RPS6KC1: variants seen among roughly 807,000 people sequenced by gnomAD.
The protein encoded by RPS6KC1 is inactive ribosomal protein S6 kinase delta-1.
Under a neutral mutation model 103.8 loss-of-function variants are expected in RPS6KC1, and 54 were observed. The observed-to-expected ratio is 0.52, with a 90% CI of 0.42 to 0.65. The LOEUF (loss-of-function observed/expected upper bound fraction) is 0.65. Ranked by LOEUF, RPS6KC1 falls within the 30% of genes least tolerant of loss-of-function variation. The pLI, the probability that RPS6KC1 is intolerant of heterozygous loss-of-function variation, is 0.00. For synonymous variants in RPS6KC1, 439 were observed against 438.7 expected (o/e 1.00, Z -0.01); for missense variants, 1,151 against 1,253.8 (o/e 0.92, Z 1.24).
At chr1:213,170,620 T>C (rs2091396625) in intron 7 of RPS6KC1, among the ~76,000 whole-genome samples, 1 of 152,226 alleles carries the variant, frequency 6.6e-6, no homozygotes, top group Non-Finnish European at 1.5e-5. Context: ...ATTTGACATG[T>C]AGGATTTTTT....
chr1:213,232,317 C>T, intron 10 of RPS6KC1, 62 bp downstream of exon 10: 1 of 1,597,682 alleles, frequency 6.3e-7, no homozygotes, highest in Non-Finnish European at 8.6e-7. Flanking sequence ...CTTCCAGTTT[C>T]TCTCTGTCAT....
chr1:213,711,013 G>A, the RPS6KC1 span, among the ~76,000 whole-genome samples: 1 of 152,110 alleles, frequency 6.6e-6, no homozygotes, highest in African/African-American at 2.4e-5. Flanking sequence ...CTCTTCTCGA[G>A]GAGTATCTTT....
chr1:213,391,006 GT>G, the RPS6KC1 span, among the ~76,000 whole-genome samples: 2,985 of 151,962 alleles, frequency 0.02, 86 homozygotes, highest in African/African-American at 0.062. Context: ...TATGATTCTA[GT>G]TTTTTTTCCC....
chr1:213,615,972 A>G, the RPS6KC1 span, among the ~76,000 whole-genome samples: 1 of 152,198 alleles, frequency 6.6e-6, no homozygotes, highest in African/African-American at 2.4e-5. Flanking sequence ...CAGTTGACTA[A>G]CTTTAGTTCT....
At chr1:213,694,852 T>A in the RPS6KC1 span, among the ~76,000 whole-genome samples, 1 of 152,344 alleles carries the variant, frequency 6.6e-6, no homozygotes, top group Non-Finnish European at 1.5e-5. Flanking sequence ...GTTGAACATC[T>A]ACTGCATTTC....
chr1:213,857,433 G>A, the RPS6KC1 span, among the ~76,000 whole-genome samples: 3 of 152,186 alleles, frequency 2.0e-5, no homozygotes, highest in South Asian at 2.1e-4. Context: ...ACACCTTCCC[G>A]TTATTCTCAG....
the RPS6KC1 span, among the ~76,000 whole-genome samples, chr1:213,428,044 C>T: frequency 6.6e-6 from 1 of 152,186 alleles, no homozygotes; most frequent in Admixed American, 6.5e-5. Context: ...TGAGAAGTCA[C>T]GGTTTGCTAC....
the RPS6KC1 span, among the ~76,000 whole-genome samples, chr1:213,374,869 A>G: frequency 1.3e-5 from 2 of 152,188 alleles, no homozygotes; most frequent in African/African-American, 4.8e-5. Flanking sequence ...TTGGCCCTGG[A>G]CCTCCAGGAA....
chr1:213,262,583 T>A (rs1004359684), intron 13 of RPS6KC1, 138 bp from the exon 14 acceptor site: 4 of 645,018 alleles, frequency 6.2e-6, no homozygotes, highest in Non-Finnish European at 1.1e-5. Context: ...CTAAACTGCT[T>A]AGGCGGCACT....
chr1:213,257,484 GCTT>G (rs2094675018), intron 12 of RPS6KC1, among the ~76,000 whole-genome samples: 1 of 152,072 alleles, frequency 6.6e-6, no homozygotes, highest in Non-Finnish European at 1.5e-5. Flanking sequence ...CAGATGTCCT[GCTT>G]CTTCCTGGGC....
the RPS6KC1 span, among the ~76,000 whole-genome samples, chr1:213,540,631 A>G: frequency 3.3e-5 from 5 of 152,328 alleles, no homozygotes; most frequent in South Asian, 2.1e-4. Context: ...GATTGCAGGC[A>G]TGAGCCACCA....
the RPS6KC1 span, among the ~76,000 whole-genome samples, chr1:213,751,160 C>G: frequency 6.6e-6 from 1 of 152,134 alleles, no homozygotes; most frequent in Non-Finnish European, 1.5e-5. Context: ...CAGAGTGTAT[C>G]TGGCCCAAAG....
At chr1:213,509,529 A>G in the RPS6KC1 span, among the ~76,000 whole-genome samples, 1 of 152,208 alleles carries the variant, frequency 6.6e-6, no homozygotes, top group Non-Finnish European at 1.5e-5. Context: ...TATGGGATTT[A>G]ATTTCTTCAA....
chr1:213,661,907 A>C, the RPS6KC1 span, among the ~76,000 whole-genome samples: 1 of 152,200 alleles, frequency 6.6e-6, no homozygotes, highest in Non-Finnish European at 1.5e-5. Flanking sequence ...AATGAATGAG[A>C]TATCACTATT....
Position 213,272,656 on chromosome 1 carries a change from A to ACGTT in RPS6KC1, c.*23_*24insGTTC. ...ATGAACGTAATGCAGGGTTATCTTC[A>ACGTT]CACATTCTGATCTTCTCTGTGACAG... On this transcript the variant is annotated 3_prime_UTR_variant, in exon 15 of 15. Transcript: ENST00000366960. 6.5e-7 allele frequency: 1 copy of ACGTT among 1,541,018 alleles called. No homozygotes were observed.
the RPS6KC1 span, among the ~76,000 whole-genome samples, chr1:213,428,351 C>A: frequency 2.0e-4 from 31 of 151,942 alleles, no homozygotes; most frequent in East Asian, 5.0e-3. Context: ...ATATGAGAGA[C>A]CTTCCCTTCC....
the RPS6KC1 span, among the ~76,000 whole-genome samples, chr1:213,368,952 G>A: frequency 6.6e-6 from 1 of 152,202 alleles, no homozygotes; most frequent in Admixed American, 6.5e-5. Context: ...TAAGGCTGAG[G>A]CCCACCATAG....
the RPS6KC1 span, among the ~76,000 whole-genome samples, chr1:213,622,048 C>A: frequency 2.6e-5 from 4 of 152,162 alleles, no homozygotes; most frequent in Non-Finnish European, 4.4e-5. Context: ...TCTCTCACCT[C>A]CTCATCTCCT....
the RPS6KC1 span, among the ~76,000 whole-genome samples, chr1:213,320,813 A>T: frequency 2.0e-5 from 3 of 152,216 alleles, no homozygotes; most frequent in African/African-American, 7.2e-5. Flanking sequence ...ATGCAGCATT[A>T]GGCACGTTTC....
Sources: allele counts gnomAD v4.1 joint callset (sites outside exome capture counted in the v4.1 genomes callset), GRCh38; gene constraint gnomAD v4.1.1; transcripts MANE v1.5; gene names NCBI Gene and HGNC (gene_info 2026-07-23, HGNC 2026-07-21).